MAGI2: variants seen among roughly 807,000 people sequenced by gnomAD.
The protein encoded by MAGI2 is membrane associated guanylate kinase, WW and PDZ domain containing 2.
Under a neutral mutation model 133.3 loss-of-function variants are expected in MAGI2, and 35 were observed. The ratio of observed to expected loss-of-function variants is 0.26; its 90% CI spans 0.20 to 0.35. The LOEUF (loss-of-function observed/expected upper bound fraction) is 0.35, where lower values mean the gene tolerates loss of function less well. Among genes scored for constraint, MAGI2 ranks in the 10% least tolerant of loss-of-function variants. The probability of loss-of-function intolerance (pLI) is 1.00; values close to 1 mark genes in which losing one functional copy is unlikely to be tolerated. For missense variants in MAGI2, 1,636 were observed against 1,863.4 expected (o/e 0.88, Z 2.25); for synonymous variants, 729 against 710.6 (o/e 1.03, Z -0.41).
chr7:78,344,441 AT>A (rs532198234), intron 8 of MAGI2, among the ~76,000 whole-genome samples: 1,890 of 150,804 alleles, frequency 0.013, 49 homozygotes, highest in African/African-American at 0.043. Context: ...TGGACTTGTG[AT>A]TTTTTTTTTA....
chr7:79,265,896 T>TAA (rs1834424430), intron 1 of MAGI2, among the ~76,000 whole-genome samples: 2 of 152,308 alleles, frequency 1.3e-5, no homozygotes, highest in South Asian at 2.1e-4. Context: ...AGTTTGATTT[T>TAA]AAACAGTGTT....
At chr7:78,380,622 T>C (rs182783243) in intron 6 of MAGI2, among the ~76,000 whole-genome samples, 1 of 152,194 alleles carries the variant, frequency 6.6e-6, no homozygotes, top group African/African-American at 2.4e-5. Context: ...GAAGGGGGGA[T>C]AGTTAAAGGG....
chr7:79,115,007 G>A (rs1410353180), intron 1 of MAGI2, among the ~76,000 whole-genome samples: 4 of 152,138 alleles, frequency 2.6e-5, no homozygotes, highest in East Asian at 1.9e-4. Flanking sequence ...TTTCATCAAA[G>A]CACTTAACTA....
rs139009867 is a variant in MAGI2 at position 78,324,236 on chromosome 7, G to GA, written c.1408+19541dup. ...ACACTTTAGAAGCCTGACTGAGGGG[G>GA]AAAAAAAAAACAGAAGGCTGGTGGA... On this transcript the variant is annotated intron_variant, in intron 9 of 21. Coordinates refer to ENST00000354212, the MANE Select transcript of MAGI2 (RefSeq NM_012301.4). Among the ~76,000 whole-genome samples, 27 of 141,282 alleles carry GA rather than the reference G, an allele frequency of 1.9e-4. 1 individual carries two copies. The highest frequency in any genetic ancestry group is 6.8e-4 in the South Asian group (3 of 4,408). 92.7% of individuals were successfully genotyped at this position (141,282 alleles called of 152,430 possible).
intron 1 of MAGI2, among the ~76,000 whole-genome samples, chr7:79,272,337 A>AC: frequency 6.6e-6 from 1 of 152,124 alleles, no homozygotes; most frequent in East Asian, 1.9e-4. Flanking sequence ...AGTGGAATAT[A>AC]TTTTATGTAT....
At position 78,084,801 on chromosome 7, in the gene MAGI2, C is replaced by T. The variant is rs1816439414; in HGVS notation, c.3568-5716G>A. Among the ~76,000 whole-genome samples, 5 of 152,194 alleles carry T rather than the reference C, an allele frequency of 3.3e-5. No individual in the cohort carries two copies. The South Asian group carries it at 8.3e-4, about 25-fold the overall frequency. On this transcript the variant is annotated intron_variant, in intron 20 of 21. Coordinates refer to ENST00000354212, the MANE Select transcript of MAGI2 (RefSeq NM_012301.4). ...CGCTGGGATGCCTGTGCCCTAATGGCCCTGATGGAACAAAGGACAGGCTGA... is the reference window on the plus strand; with the variant it reads ...CGCTGGGATGCCTGTGCCCTAATGGTCCTGATGGAACAAAGGACAGGCTGA...
At chr7:78,153,649 G>T (rs993810355) in intron 16 of MAGI2, among the ~76,000 whole-genome samples, 1 of 152,140 alleles carries the variant, frequency 6.6e-6, no homozygotes, top group African/African-American at 2.4e-5. Context: ...AAAGGTAAAA[G>T]TAATAAAAGT....
intron 2 of MAGI2, among the ~76,000 whole-genome samples, chr7:78,862,761 C>T (rs1794252410): frequency 6.6e-6 from 1 of 152,072 alleles, no homozygotes; most frequent in Admixed American, 6.6e-5. Context: ...GGTCCATTAC[C>T]ATCTGGGACT....
chr7:78,708,452 G>A (rs2151169098), intron 2 of MAGI2, among the ~76,000 whole-genome samples: 1 of 152,212 alleles, frequency 6.6e-6, no homozygotes, highest in East Asian at 1.9e-4. Flanking sequence ...GAGTAAATTG[G>A]CAAAGCACAG....
chr7:78,274,593 G>T (rs1316435344), intron 9 of MAGI2, among the ~76,000 whole-genome samples: 1 of 150,766 alleles, frequency 6.6e-6, no homozygotes, highest in Admixed American at 6.7e-5. Flanking sequence ...TTATCTATAA[G>T]TCCCTGACTG....
intron 14 of MAGI2, among the ~76,000 whole-genome samples, chr7:78,172,255 C>G (rs1437136294): frequency 1.3e-5 from 2 of 152,172 alleles, no homozygotes; most frequent in Non-Finnish European, 2.9e-5. Context: ...CTGCACTGCC[C>G]GATGTTAGCC....
chr7:78,951,283 T>G (rs1584483092), intron 2 of MAGI2, among the ~76,000 whole-genome samples: 1 of 152,268 alleles, frequency 6.6e-6, no homozygotes, highest in South Asian at 2.1e-4. Flanking sequence ...ATGTTAGCTT[T>G]TAACTCAGTT....
At chr7:79,172,269 G>T (rs1486688147) in intron 1 of MAGI2, among the ~76,000 whole-genome samples, 2 of 152,036 alleles carry the variant, frequency 1.3e-5, no homozygotes, top group Non-Finnish European at 2.9e-5. Flanking sequence ...ATTTCTTTCA[G>T]TTTGATCTCT....
chr7:79,354,817 G>A (rs1357143047), intron 1 of MAGI2, among the ~76,000 whole-genome samples: 1 of 152,158 alleles, frequency 6.6e-6, no homozygotes, highest in Non-Finnish European at 1.5e-5. Flanking sequence ...GCATTTGATA[G>A]CTTACTCATG....
intron 2 of MAGI2, among the ~76,000 whole-genome samples, chr7:78,811,659 T>A (rs1431901862): frequency 6.6e-6 from 1 of 152,182 alleles, no homozygotes; most frequent in East Asian, 1.9e-4. Context: ...CAAAAGGAAG[T>A]GGGCTTAAAG....
chr7:79,134,163 C>T (rs1196434120), intron 1 of MAGI2, among the ~76,000 whole-genome samples: 3 of 152,122 alleles, frequency 2.0e-5, no homozygotes, highest in African/African-American at 7.2e-5. Context: ...AATTGCAATA[C>T]TGACTTTTTA....
chr7:79,091,490 A>G lies in MAGI2; in HGVS notation c.302-84284T>C, dbSNP rs17151939. Among the ~76,000 whole-genome samples, 1,446 of 152,292 alleles carry G rather than the reference A, an allele frequency of 9.5e-3. 72 individuals are homozygous for G. The highest frequency in any genetic ancestry group is 0.079 in the East Asian group (408 of 5,180). On this transcript the variant is annotated intron_variant, in intron 1 of 21. Coordinates refer to ENST00000354212, the MANE Select transcript of MAGI2 (RefSeq NM_012301.4). ...TACTGTTACTAATGCATAACATAGA[A>G]TTGATTTCTTACTATAAGCAGTTGT...
At chr7:79,193,905 C>T (rs1827870314) in intron 1 of MAGI2, among the ~76,000 whole-genome samples, 1 of 151,878 alleles carries the variant, frequency 6.6e-6, no homozygotes, top group Admixed American at 6.6e-5. Context: ...CTTTGACAAG[C>T]CATCAAAAAT....
At chr7:78,022,300 T>C (rs1808475315) in intron 21 of MAGI2, among the ~76,000 whole-genome samples, 1 of 152,236 alleles carries the variant, frequency 6.6e-6, no homozygotes, top group African/African-American at 2.4e-5. Flanking sequence ...CAGTGATCTC[T>C]GACTTGGACC....
Sources: gnomAD v4.1 joint callset for allele counts (sites outside exome capture counted in the v4.1 genomes callset) on GRCh38, gnomAD v4.1.1 for gene constraint, MANE v1.5 for transcripts, NCBI Gene and HGNC (gene_info 2026-07-23, HGNC 2026-07-21) for gene names.